The following NWD2 variants were observed in gnomAD, a reference collection of about 807,000 sequenced individuals.
The protein encoded by NWD2 is NACHT and WD repeat domain containing 2, also known as NACHT and WD repeat domain-containing protein 2.
In NWD2, 37 loss-of-function variants were observed where a neutral mutation model predicts 132.7. The ratio of observed to expected loss-of-function variants is 0.28; its 90% CI spans 0.21 to 0.37. The LOEUF is 0.37. Ranked by LOEUF, NWD2 falls within the 10% of genes least tolerant of loss-of-function variation. NWD2 has a pLI of 1.00. For missense variants in NWD2, 1,592 were observed against 2,122.4 expected, an observed-to-expected ratio of 0.75 and a Z score of 4.91; for synonymous variants, 705 against 803.0, an observed-to-expected ratio of 0.88 and a Z score of 2.06.
chr4:37,374,797 T>C (rs80103023), intron 3 of NWD2, among the ~76,000 whole-genome samples: 1 of 152,246 alleles, frequency 6.6e-6, no homozygotes, highest in Non-Finnish European at 1.5e-5. Context: ...ACTGACTGCA[T>C]GCATCTAAGC....
chr4:37,319,440 C>T (rs1719026372), intron 1 of NWD2, among the ~76,000 whole-genome samples: 1 of 152,096 alleles, frequency 6.6e-6, no homozygotes, highest in Non-Finnish European at 1.5e-5. Flanking sequence ...TTTATTACTG[C>T]TGATAGTTTC....
At chr4:37,394,798 G>GGTTT (rs1560411732) in intron 3 of NWD2, among the ~76,000 whole-genome samples, 1 of 14,452 alleles carries the variant, frequency 6.9e-5, no homozygotes, top group African/African-American at 1.5e-4. Context: ...GAACCTTTAT[G>GGTTT]GTTTTTTTTT....
At position 37,444,340 on chromosome 4, in the gene NWD2, C is replaced by T. The variant is rs769919818; in HGVS notation, c.2352C>T (p.Gly784=). ...GCCTTGAGGACCCCTACTTGAATGG[C>T]TGCCTTGACTTGGAGAACAGAAGTT... ...AFCLEDPYLN[G]CLDLENRSLL... The change falls in exon 7 of 7, where the codon GGC becomes GGT. Residue 784 remains glycine (G), a synonymous_variant. Coordinates refer to ENST00000309447, the MANE Select transcript of NWD2 (RefSeq NM_001144990.2). The surrounding 1 kb of genome is among the most constrained non-coding windows in gnomAD (Gnocchi z 4.8). The T allele has an allele frequency of 5.2e-6, 8 of 1,551,940 alleles. No homozygotes were observed. Among genetic ancestry groups the T allele is most frequent in the Non-Finnish European group, 1.7e-6 (2 of 1,147,048 alleles).
chr4:37,447,225 T>C lies in NWD2; in HGVS notation c.*8T>C, dbSNP rs1712663066. On this transcript the variant is annotated 3_prime_UTR_variant, in exon 7 of 7. Transcript: ENST00000309447. The stretch of plus-strand genomic sequence containing the variant: ...TATGCCCCTGATAACTGACAAAATG[T>C]TTTCCAGCTAAGCAGAAATATGTGA... The C allele has an allele frequency of 6.5e-7, 1 of 1,536,350 alleles. No homozygotes were observed.
At chr4:37,434,709 T>G (rs1203780749) in intron 5 of NWD2, among the ~76,000 whole-genome samples, 3 of 151,726 alleles carry the variant, frequency 2.0e-5, no homozygotes, top group Non-Finnish European at 4.4e-5. Context: ...GCAACAGATT[T>G]AAGATCTCTG....
At chr4:37,309,051 C>A (rs1352700032) in intron 1 of NWD2, among the ~76,000 whole-genome samples, 1 of 152,216 alleles carries the variant, frequency 6.6e-6, no homozygotes, top group African/African-American at 2.4e-5. Flanking sequence ...AGCTCTGCTG[C>A]TGAAGCGGGC....
rs1192977876 is a variant in NWD2, at chr4:37,244,819, G to A, written c.-249G>A. 3 of 482,698 alleles carry A rather than the reference G, an allele frequency of 6.2e-6. No individual in the cohort carries two copies. The highest frequency in any genetic ancestry group is 8.7e-5 in the Admixed American group (2 of 23,004). The allele number at this position is 482,698 out of a possible 1,614,324, so 29.9% of individuals were successfully genotyped here. A position where few individuals can be genotyped will look rare whatever the true frequency, so the allele number is the denominator to read the frequency against. On this transcript the variant is annotated 5_prime_UTR_variant, in exon 1 of 7. Transcript: ENST00000309447. This position sits in a 1 kb window ranked among gnomAD's most constrained non-coding sequence, Gnocchi z 5.5. ...GGCTGCTGCTCGGAGCCCTAGCAGC[G>A]GGCGAAGGCGGAGGCCCAGAAGGGC...
At chr4:37,433,799 T>A in intron 4 of NWD2, 77 bp from the exon 5 acceptor site, 1 of 1,217,284 alleles carries the variant, frequency 8.2e-7, no homozygotes, top group Non-Finnish European at 1.1e-6. Context: ...CTTCAAATAA[T>A]AGAAATTTTC....
In NWD2 at chr4:37,346,636, A is replaced by G. The variant is rs1023612483; in HGVS notation, c.241-9730A>G. On this transcript the variant is annotated intron_variant, in intron 2 of 6. Coordinates refer to ENST00000309447, the MANE Select transcript of NWD2 (RefSeq NM_001144990.2). ...CATCCTAACAATATTAAGTCTCCCAATCTATGAACATGGAATGTCTTTCAT... is the reference window on the plus strand; with the variant it reads ...CATCCTAACAATATTAAGTCTCCCAGTCTATGAACATGGAATGTCTTTCAT... Among the ~76,000 whole-genome samples the G allele has an allele frequency of 3.9e-5, 6 of 152,294 alleles. No individual in the cohort carries two copies. The East Asian group carries it at 5.8e-4, about 15-fold the overall frequency.
chr4:37,350,930 T>C (rs140750918), intron 2 of NWD2, among the ~76,000 whole-genome samples: 1 of 152,314 alleles, frequency 6.6e-6, no homozygotes, highest in Non-Finnish European at 1.5e-5. Context: ...TTTCTGCATG[T>C]ATTGAGATAA....
intron 2 of NWD2, among the ~76,000 whole-genome samples, chr4:37,349,263 C>G (rs1351712196): frequency 1.3e-5 from 2 of 152,170 alleles, no homozygotes; most frequent in Non-Finnish European, 2.9e-5. Flanking sequence ...GCCACACTGT[C>G]TTCCACAGTG....
At chr4:37,262,603 G>A (rs1717662616) in intron 1 of NWD2, among the ~76,000 whole-genome samples, 1 of 152,162 alleles carries the variant, frequency 6.6e-6, no homozygotes, top group Admixed American at 6.5e-5. Context: ...TTCATTCAGT[G>A]TTCTGGGAGG....
At position 37,356,440 on chromosome 4, in the gene NWD2, G is replaced by C. The variant is rs147232666; in HGVS notation, c.315G>C (p.Leu105=). The change falls in exon 3 of 7, where the codon CTG becomes CTC. Residue 105 remains leucine, a synonymous_variant. Transcript: ENST00000309447. ...AGCTCCAGAAGACCCGCATGAAGCT[G>C]CTGGAGAATTGCTTGAAAACTTCTG... is the stretch of plus-strand genomic sequence containing the variant. The part of the protein sequence containing the change: ...SPELQKTRMK[L]LENCLKTSAG... 5,184 of 1,551,538 alleles carry C rather than the reference G, an allele frequency of 3.3e-3. 14 individuals are homozygous for C. Among genetic ancestry groups the C allele is most frequent in the Non-Finnish European group, 4.3e-3 (4,961 of 1,146,774 alleles).
intron 3 of NWD2, among the ~76,000 whole-genome samples, chr4:37,359,085 C>A (rs1045092207): frequency 2.0e-5 from 3 of 152,148 alleles, no homozygotes; most frequent in African/African-American, 7.2e-5. Flanking sequence ...CCTTTTATAA[C>A]CCTGTTGAGT....
chr4:37,405,143 C>G (rs1190760694), intron 3 of NWD2, among the ~76,000 whole-genome samples: 6 of 152,124 alleles, frequency 3.9e-5, no homozygotes, highest in Non-Finnish European at 7.3e-5. Context: ...TCCTGTAGTT[C>G]AAATCAATGT....
intron 1 of NWD2, 136 bp downstream of exon 1, chr4:37,245,354 C>A: frequency 9.2e-7 from 1 of 1,086,332 alleles, no homozygotes; most frequent in Non-Finnish European, 1.3e-6. Context: ...CCGCCCTGAG[C>A]GCGTGGGAAT....
At chr4:37,413,703 A>G (rs1013321995) in intron 3 of NWD2, among the ~76,000 whole-genome samples, 3 of 152,208 alleles carry the variant, frequency 2.0e-5, no homozygotes, top group Admixed American at 6.5e-5. Context: ...TCACAATAGC[A>G]AAGACTTGGA....
In NWD2 at chr4:37,448,677, A is replaced by G. The variant is rs1211735821; in HGVS notation, c.*1460A>G. 1.3e-5 allele frequency: 2 copies of G among 152,208 alleles called. No homozygotes were observed. The highest frequency in any genetic ancestry group is 2.9e-5 in the Non-Finnish European group (2 of 68,040). 9.4% of individuals were successfully genotyped at this position (152,208 alleles called of 1,614,324 possible). A position where few individuals can be genotyped will look rare whatever the true frequency, so the allele number is the denominator to read the frequency against. On this transcript the variant is annotated 3_prime_UTR_variant, in exon 7 of 7. Transcript: ENST00000309447. ...AATGAACAAGGAATTGATTTGCTCTAGGCCCAGCTCTGCCATAAACTCATT... is the reference window on the plus strand; with the variant it reads ...AATGAACAAGGAATTGATTTGCTCTGGGCCCAGCTCTGCCATAAACTCATT...
chr4:37,405,400 C>T (rs1720978398), intron 3 of NWD2, among the ~76,000 whole-genome samples: 1 of 150,076 alleles, frequency 6.7e-6, no homozygotes, highest in Non-Finnish European at 1.5e-5. Flanking sequence ...AGGTTGCCAT[C>T]AGCAATTTTT....
Sources: allele counts gnomAD v4.1 joint callset (sites outside exome capture counted in the v4.1 genomes callset), GRCh38; gene constraint gnomAD v4.1.1; non-coding constraint Gnocchi (gnomAD v3.1); transcripts MANE v1.5; gene names NCBI Gene and HGNC (gene_info 2026-07-23, HGNC 2026-07-21).